SLC2A13: variants seen among roughly 807,000 people sequenced by gnomAD.
SLC2A13 encodes the protein solute carrier family 2 member 13.
In SLC2A13, 32 loss-of-function variants were observed where a neutral mutation model predicts 64.4. The ratio of observed to expected loss-of-function variants is 0.50; its 90% confidence interval spans 0.37 to 0.67. SLC2A13 has a LOEUF of 0.67. Ranked by LOEUF, SLC2A13 falls within the 30% of genes least tolerant of loss-of-function variation. The pLI is 0.00. For synonymous variants in SLC2A13, 338 were observed against 327.1 expected (o/e 1.03, Z -0.36); for missense variants, 743 against 829.2 (o/e 0.90, Z 1.28).
intron 1 of SLC2A13, among the ~76,000 whole-genome samples, chr12:40,098,156 C>T (rs1565626744): frequency 6.6e-6 from 1 of 151,898 alleles, no homozygotes; most frequent in Non-Finnish European, 1.5e-5. Flanking sequence ...CACATATACA[C>T]AATGGAATAT....
chr12:39,830,356 T>C lies in SLC2A13; in HGVS notation c.1320-128A>G. ...TAAGCTTGGGGCCTTGGGACTTGTT[T>C]TGGCCAAGGAAAGTGACATGCGCTG... On this transcript the variant is annotated intron_variant, in intron 6 of 9. Transcript: ENST00000280871. The C allele has an allele frequency of 3.4e-6, 5 of 1,449,606 alleles. No individual in the cohort carries two copies. In the South Asian group the frequency reaches 5.9e-5, roughly 17 times the overall value. The allele number at this position is 1,449,606 out of a possible 1,614,324, so 89.8% of individuals were successfully genotyped here. A position where few individuals can be genotyped will look rare whatever the true frequency, so the allele number is the denominator to read the frequency against.
At chr12:40,040,120 G>A (rs149466552) in intron 2 of SLC2A13, among the ~76,000 whole-genome samples, 7 of 152,274 alleles carry the variant, frequency 4.6e-5, no homozygotes, top group South Asian at 2.1e-4. Context: ...CTTAAATGCC[G>A]AATATAGAGA....
At chr12:40,042,959 G>GAAAA (rs58322891) in intron 2 of SLC2A13, among the ~76,000 whole-genome samples, 5 of 111,444 alleles carry the variant, frequency 4.5e-5, no homozygotes, top group Admixed American at 1.9e-4. Flanking sequence ...GCATAAGAAT[G>GAAAA]AAAAAAAAAA....
At position 39,760,143 on chromosome 12, in the gene SLC2A13, G is replaced by T. The variant is rs1296189056; in HGVS notation, c.1830C>A (p.Asp610Glu). ...KKLEEIESLF[D>E]NRLCTCGTSD... is the part of the protein sequence containing the mutation. Reference sequence around the variant, plus strand: ...AAGTGCCACATGTACATAGCCTGTTGTCAAAGAGTGATTCAATTTCCTCTA... The same window carrying T: ...AAGTGCCACATGTACATAGCCTGTTTTCAAAGAGTGATTCAATTTCCTCTA... The change falls in exon 10 of 10, where the codon GAC becomes GAA. Residue 610 changes from aspartate (D) to glutamate (E), a missense_variant. Physicochemically the swap from Asp to Glu is conservative, Grantham distance 45. Around this residue, in one of 2 missense-constraint regions of SLC2A13, gnomAD observed 295 missense variants for 381.7 expected, o/e 0.77. Coordinates refer to ENST00000280871, the MANE Select transcript of SLC2A13 (RefSeq NM_052885.4). The T allele has an allele frequency of 6.2e-7, 1 of 1,612,842 alleles. No homozygotes were observed.
chr12:40,057,440 T>C (rs1948348831), intron 1 of SLC2A13, among the ~76,000 whole-genome samples: 1 of 152,056 alleles, frequency 6.6e-6, no homozygotes, highest in African/African-American at 2.4e-5. Context: ...CATAAAGTAA[T>C]AAAAAGTAGG....
rs188709836 is a variant in SLC2A13 at position 39,901,007 on chromosome 12, C to A, written c.1035-29046G>T. On this transcript the variant is annotated intron_variant, in intron 4 of 9. Coordinates refer to ENST00000280871, the MANE Select transcript of SLC2A13 (RefSeq NM_052885.4). The stretch of plus-strand genomic sequence containing the variant: ...AAAACAGAGATATAGATCAATGGAA[C>A]TGAACAGAGCCCTCAGAAATAACAC... Among the ~76,000 whole-genome samples, 4 of 152,244 alleles carry A rather than the reference C, an allele frequency of 2.6e-5. No homozygotes were observed. The East Asian group carries it at 7.7e-4, about 29-fold the overall frequency.
chr12:39,908,596 C>T (rs1022146103), intron 4 of SLC2A13, among the ~76,000 whole-genome samples: 10 of 151,634 alleles, frequency 6.6e-5, no homozygotes, highest in African/African-American at 2.4e-4. Flanking sequence ...CAGGATGTGG[C>T]TGAGGAGGAT....
At chr12:39,873,057 T>C (rs1319292382) in intron 4 of SLC2A13, among the ~76,000 whole-genome samples, 2 of 152,240 alleles carry the variant, frequency 1.3e-5, no homozygotes, top group East Asian at 3.8e-4. Flanking sequence ...CAATGGCTTC[T>C]GTCTACTATT....
chr12:39,816,158 T>C (rs1204954492), intron 7 of SLC2A13, among the ~76,000 whole-genome samples: 2 of 152,110 alleles, frequency 1.3e-5, no homozygotes, highest in African/African-American at 4.8e-5. Flanking sequence ...TTTGTGAACT[T>C]GGGGTTTGTT....
chr12:39,856,079 T>C (rs1943599782), intron 6 of SLC2A13, among the ~76,000 whole-genome samples: 2 of 152,204 alleles, frequency 1.3e-5, no homozygotes, highest in African/African-American at 4.8e-5. Context: ...AAGGCTTGGA[T>C]GCTTCCTAAA....
chr12:40,058,317 A>G (rs1340110774), intron 1 of SLC2A13, among the ~76,000 whole-genome samples: 1 of 152,140 alleles, frequency 6.6e-6, no homozygotes, highest in African/African-American at 2.4e-5. Flanking sequence ...CTTATTTTAT[A>G]ACTATAAAAT....
At chr12:39,893,598 G>C (rs1335275867) in intron 4 of SLC2A13, among the ~76,000 whole-genome samples, 1 of 152,180 alleles carries the variant, frequency 6.6e-6, no homozygotes, top group Non-Finnish European at 1.5e-5. Context: ...ACCACGCCAG[G>C]CCTACCGCTC....
chr12:40,001,203 C>T (rs1048777697), intron 3 of SLC2A13, among the ~76,000 whole-genome samples: 13 of 152,148 alleles, frequency 8.5e-5, no homozygotes, highest in African/African-American at 1.9e-4. Flanking sequence ...TGGGCCTTAA[C>T]GACAACAAAA....
intron 1 of SLC2A13, among the ~76,000 whole-genome samples, chr12:40,069,672 T>C (rs1937877611): frequency 6.6e-6 from 1 of 152,094 alleles, no homozygotes; most frequent in Non-Finnish European, 1.5e-5. Context: ...GCCTAGTTTC[T>C]ACAGGAAGCG....
intron 7 of SLC2A13, among the ~76,000 whole-genome samples, chr12:39,771,466 A>G (rs1001767340): frequency 2.6e-5 from 4 of 152,142 alleles, no homozygotes; most frequent in African/African-American, 9.7e-5. Flanking sequence ...CAAGCAAGAA[A>G]CTGAAGTCCT....
chr12:39,766,409 A>G (rs1248314858), intron 7 of SLC2A13, among the ~76,000 whole-genome samples: 1 of 152,112 alleles, frequency 6.6e-6, no homozygotes, highest in Non-Finnish European at 1.5e-5. Flanking sequence ...AAATATTTTG[A>G]TAAAAAATGC....
At chr12:39,960,975 G>A (rs912916985) in intron 3 of SLC2A13, among the ~76,000 whole-genome samples, 1 of 150,740 alleles carries the variant, frequency 6.6e-6, no homozygotes, top group African/African-American at 2.4e-5. Context: ...TCGAACTCCC[G>A]ACCTTCAGTG....
At chr12:39,946,326 G>A (rs1011850325) in intron 4 of SLC2A13, among the ~76,000 whole-genome samples, 3 of 152,188 alleles carry the variant, frequency 2.0e-5, no homozygotes, top group African/African-American at 7.2e-5. Flanking sequence ...CTCTATTTTT[G>A]TGCTGGTTGG....
At chr12:39,787,135 C>T (rs985365851) in intron 7 of SLC2A13, among the ~76,000 whole-genome samples, 2 of 152,204 alleles carry the variant, frequency 1.3e-5, no homozygotes, top group Middle Eastern at 3.4e-3. Context: ...AGATGGATTT[C>T]GGTATATGGC....
Sources: allele counts gnomAD v4.1 joint callset (sites outside exome capture counted in the v4.1 genomes callset), GRCh38; gene constraint gnomAD v4.1.1; regional missense constraint gnomAD v4.1.1; transcripts MANE v1.5; gene names NCBI Gene and HGNC (gene_info 2026-07-23, HGNC 2026-07-21).